Variants in ANKRD10 observed in about 807,000 individuals in gnomAD.
The protein encoded by ANKRD10 is ankyrin repeat domain 10, also known as ankyrin repeat domain-containing protein 10.
ANKRD10 carries 14 observed loss-of-function variants against 27.0 expected under a neutral mutation model. The ratio of observed to expected loss-of-function variants is 0.52; its 90% CI spans 0.34 to 0.81. The LOEUF is 0.81. ANKRD10 is among the 40% of genes least tolerant of loss of function. The pLI, the probability that ANKRD10 is intolerant of heterozygous loss-of-function variation, is 0.01. For missense variants in ANKRD10, 493 were observed against 544.0 expected (o/e 0.91, Z 0.93); for synonymous variants, 250 against 224.5 (o/e 1.11, Z -1.01).
At chr13:110,909,242 A>C (rs1260787282) in intron 2 of ANKRD10, among the ~76,000 whole-genome samples, 1 of 152,198 alleles carries the variant, frequency 6.6e-6, no homozygotes. Context: ...CCATACTATT[A>C]ATTACTGCCA....
chr13:110,888,755 T>C (rs902525509), intron 4 of ANKRD10, among the ~76,000 whole-genome samples: 1 of 152,322 alleles, frequency 6.6e-6, no homozygotes, highest in South Asian at 2.1e-4. Context: ...TTTCCACCGG[T>C]AATTTTACCT....
chr13:110,888,841 T>C (rs1298704107), intron 4 of ANKRD10, among the ~76,000 whole-genome samples: 1 of 152,232 alleles, frequency 6.6e-6, no homozygotes, highest in African/African-American at 2.4e-5. Flanking sequence ...TGAATGAGAT[T>C]CTAAGATCAG....
At chr13:110,911,681 A>T (rs1487758358) in intron 1 of ANKRD10, 2 of 152,150 alleles carry the variant, frequency 1.3e-5, no homozygotes, top group Non-Finnish European at 2.9e-5. Flanking sequence ...CAGAAGGCTG[A>T]GACAGGAGAA....
At chr13:110,881,029 C>T (rs537958970) in intron 5 of ANKRD10, among the ~76,000 whole-genome samples, 12 of 152,320 alleles carry the variant, frequency 7.9e-5, no homozygotes, top group African/African-American at 2.4e-4. Flanking sequence ...TGGGATAAAA[C>T]GTCCATCATG....
intron 3 of ANKRD10, chr13:110,899,188 C>G (rs1222688493): frequency 6.6e-6 from 1 of 152,216 alleles, no homozygotes; most frequent in Non-Finnish European, 1.5e-5. Context: ...TAAAGTTCAT[C>G]CGGACTGTGT....
intron 3 of ANKRD10, among the ~76,000 whole-genome samples, chr13:110,901,231 CTTAT>C (rs772113239): frequency 2.0e-5 from 3 of 152,130 alleles, no homozygotes; most frequent in Non-Finnish European, 2.9e-5. Flanking sequence ...TATCCAAACT[CTTAT>C]TTAATTATGA....
chr13:110,902,471 A>C (rs901424041), intron 3 of ANKRD10, among the ~76,000 whole-genome samples: 1 of 152,220 alleles, frequency 6.6e-6, no homozygotes, highest in Admixed American at 6.5e-5. Flanking sequence ...TTGTGGCATT[A>C]GAATAGTCTA....
intron 3 of ANKRD10, chr13:110,894,023 A>G: frequency 1.0e-6 from 1 of 993,242 alleles, no homozygotes; most frequent in Middle Eastern, 2.2e-4. Context: ...AGACCTCTAC[A>G]GTAGCTAAAA....
intron 3 of ANKRD10, chr13:110,895,262 A>G (rs1023661566): frequency 2.0e-5 from 3 of 152,228 alleles, no homozygotes; most frequent in Admixed American, 1.3e-4. Context: ...AAAAGAGCAA[A>G]CAGATTTTTG....
chr13:110,892,241 G>A (rs2065093878), intron 4 of ANKRD10, among the ~76,000 whole-genome samples: 2 of 149,854 alleles, frequency 1.3e-5, no homozygotes, highest in Admixed American at 6.6e-5. Flanking sequence ...AGACCAGCCT[G>A]GCCAACATGG....
chr13:110,883,476 T>C lies in ANKRD10; in HGVS notation c.787+222A>G, dbSNP rs916870822. The C allele has an allele frequency of 7.0e-6, 9 of 1,278,756 alleles. No individual in the cohort carries two copies. The African/African-American group carries it at 1.1e-4, about 15-fold the overall frequency. The allele number at this position is 1,278,756 out of a possible 1,614,324, so 79.2% of individuals were successfully genotyped here. A position where few individuals can be genotyped will look rare whatever the true frequency, so the allele number is the denominator to read the frequency against. On this transcript the variant is annotated intron_variant, in intron 5 of 5. Transcript: ENST00000267339. The stretch of plus-strand genomic sequence containing the variant: ...TGCCCAAGATATGCAAATTATAGTA[T>C]AACATTTTTAAAAAGACACTGGACA...
chr13:110,884,176 A>G (rs2064871431), intron 4 of ANKRD10, among the ~76,000 whole-genome samples: 1 of 151,720 alleles, frequency 6.6e-6, no homozygotes, highest in Non-Finnish European at 1.5e-5. Flanking sequence ...TACAATTAAA[A>G]CAATCCTGAT....
intron 3 of ANKRD10, among the ~76,000 whole-genome samples, chr13:110,904,727 C>T (rs2065479532): frequency 6.6e-6 from 1 of 152,196 alleles, no homozygotes; most frequent in African/African-American, 2.4e-5. Flanking sequence ...AACATACTAT[C>T]AATTGTTTCT....
intron 3 of ANKRD10, among the ~76,000 whole-genome samples, chr13:110,898,336 T>C (rs965214452): frequency 8.5e-5 from 13 of 152,200 alleles, no homozygotes; most frequent in Admixed American, 7.9e-4. Flanking sequence ...GAACAAATAA[T>C]CATTAAAGAT....
chr13:110,889,797 T>C (rs1458075337), intron 4 of ANKRD10, among the ~76,000 whole-genome samples: 1 of 152,240 alleles, frequency 6.6e-6, no homozygotes, highest in African/African-American at 2.4e-5. Context: ...TAATTACTTT[T>C]GTAAATATAA....
intron 5 of ANKRD10, among the ~76,000 whole-genome samples, chr13:110,880,653 A>C (rs2064798592): frequency 6.6e-6 from 1 of 152,238 alleles, no homozygotes; most frequent in Non-Finnish European, 1.5e-5. Context: ...CTCTCCTCAT[A>C]AATCAGGTAG....
intron 3 of ANKRD10, among the ~76,000 whole-genome samples, chr13:110,902,270 G>GC (rs2065406579): frequency 6.6e-6 from 1 of 152,028 alleles, no homozygotes; most frequent in South Asian, 2.1e-4. Context: ...TTTGCTAAGG[G>GC]CAAAAGTCAC....
rs73621198 is a variant in ANKRD10, at chr13:110,910,869, T to C, written c.211-99A>G. ...AATTCTATAATGGTGACAAATGGCA[T>C]TGTTACCAGTTTTTTAACAGATTAA... is the stretch of plus-strand genomic sequence containing the variant. On this transcript the variant is annotated intron_variant, in intron 1 of 5. Transcript: ENST00000267339. 1.0e-3 allele frequency: 1,284 copies of C among 1,270,650 alleles called. 10 individuals are homozygous for C. In the African/African-American group the frequency reaches 0.017, roughly 17 times the overall value. The allele number at this position is 1,270,650 out of a possible 1,614,324, so 78.7% of individuals were successfully genotyped here.
intron 4 of ANKRD10, among the ~76,000 whole-genome samples, chr13:110,887,069 T>A (rs1298174593): frequency 2.0e-5 from 3 of 152,066 alleles, no homozygotes; most frequent in Non-Finnish European, 1.5e-5. Context: ...CTGCCTGCCC[T>A]CCTAAGTGAG....
Sources: gnomAD v4.1 joint callset for allele counts (sites outside exome capture counted in the v4.1 genomes callset) on GRCh38, gnomAD v4.1.1 for gene constraint, MANE v1.5 for transcripts, NCBI Gene and HGNC (gene_info 2026-07-23, HGNC 2026-07-21) for gene names.